ARAP2: variants seen among roughly 807,000 people sequenced by gnomAD.
The protein encoded by ARAP2 is ArfGAP with RhoGAP domain, ankyrin repeat and PH domain 2, also known as arf-GAP with Rho-GAP domain, ANK repeat and PH domain-containing protein 2.
A neutral mutation model predicts 194.5 loss-of-function variants in ARAP2; 148 were observed. That is an observed-to-expected ratio of 0.76 (90% CI 0.67 to 0.87). The LOEUF (loss-of-function observed/expected upper bound fraction) is 0.87, where lower values mean the gene tolerates loss of function less well. ARAP2 is among the 40% of genes least tolerant of loss of function. The pLI is 0.00. For missense variants in ARAP2, 2,128 were observed against 1,989.7 expected (o/e 1.07, Z -1.32); for synonymous variants, 695 against 683.5 (o/e 1.02, Z -0.26).
Position 36,107,546 on chromosome 4 carries a change from G to A in ARAP2, c.4285+19C>T, listed in dbSNP as rs1718731624. ...TTGAATTTTCAATCATAGCTGCAAT[G>A]TGAAGTAATGACACCTACCACTGCA... On this transcript the variant is annotated intron_variant, in intron 27 of 32. Transcript: ENST00000303965. 1.9e-6 allele frequency: 3 copies of A among 1,592,344 alleles called. No individual in the cohort carries two copies. The Admixed American group carries it at 5.4e-5, about 28-fold the overall frequency.
At chr4:36,134,735 TAC>T (rs71199697) in intron 19 of ARAP2, among the ~76,000 whole-genome samples, 147 of 148,016 alleles carry the variant, frequency 9.9e-4, no homozygotes, top group Middle Eastern at 3.4e-3. Context: ...CACACACAAA[TAC>T]ACACACACAC....
intron 32 of ARAP2, among the ~76,000 whole-genome samples, chr4:36,069,613 T>C (rs1726328021): frequency 1.3e-5 from 2 of 152,226 alleles, no homozygotes; most frequent in South Asian, 2.1e-4. Context: ...AGAGGTTTTA[T>C]ATATCAGAGT....
intron 13 of ARAP2, chr4:36,159,794 T>G (rs1295009576): frequency 4.7e-6 from 1 of 212,134 alleles, no homozygotes; most frequent in African/African-American, 2.3e-5. Flanking sequence ...TTTTTATGCT[T>G]ACATACTATG....
At chr4:36,173,375 C>T (rs1013574303) in intron 9 of ARAP2, among the ~76,000 whole-genome samples, 2 of 152,180 alleles carry the variant, frequency 1.3e-5, no homozygotes, top group Admixed American at 6.5e-5. Context: ...TTCTGACTTA[C>T]ACACTATACA....
chr4:36,129,040 T>C (rs534681898), intron 20 of ARAP2, among the ~76,000 whole-genome samples: 16 of 152,092 alleles, frequency 1.1e-4, no homozygotes, highest in African/African-American at 3.9e-4. Flanking sequence ...AAGTGCCCTA[T>C]CTTCACTTAG....
chr4:36,128,937 G>C (rs978790820), intron 20 of ARAP2, among the ~76,000 whole-genome samples, 192 bp from the exon 21 acceptor site: 3 of 151,860 alleles, frequency 2.0e-5, no homozygotes, highest in Non-Finnish European at 2.9e-5. Flanking sequence ...TAAACCTAAT[G>C]AGCAAATCAT....
chr4:36,093,655 G>A (rs1714369085), intron 27 of ARAP2, among the ~76,000 whole-genome samples: 1 of 152,042 alleles, frequency 6.6e-6, no homozygotes, highest in Admixed American at 6.6e-5. Context: ...GGATTCAGGG[G>A]TACATGTGCA....
chr4:36,068,151 C>A lies in ARAP2; in HGVS notation c.4871G>T (p.Arg1624Leu), dbSNP rs1249697981. 1.2e-6 allele frequency: 2 copies of A among 1,613,736 alleles called. No homozygotes were observed. The highest frequency in any genetic ancestry group is 1.7e-6 in the Non-Finnish European group (2 of 1,179,788). ...HCLEHKDDKLRNRPRKHRSFN... is the reference protein window; with the variant it reads ...HCLEHKDDKLLNRPRKHRSFN... ...ACTCCGATGTTTTCGGGGTCGATTT[C>A]GAAGTTTATCGTCCTTGTGCTCCAG... The change falls in exon 33 of 33, where the codon CGA (arginine) becomes CTA (leucine). Residue 1624 changes from arginine to leucine, a missense_variant. Arg to Leu is a moderately radical substitution (Grantham distance 102, BLOSUM62 -2). Transcript: ENST00000303965.
intron 19 of ARAP2, among the ~76,000 whole-genome samples, chr4:36,136,829 G>A (rs1014614596): frequency 1.3e-5 from 2 of 148,576 alleles, no homozygotes; most frequent in East Asian, 2.0e-4. Flanking sequence ...GCGTGTCTGT[G>A]TATCTCAGTC....
At chr4:36,060,151 T>C (rs1024283767) in intron 1 of ARAP2, among the ~76,000 whole-genome samples, 1 of 152,076 alleles carries the variant, frequency 6.6e-6, no homozygotes, top group African/African-American at 2.4e-5. Context: ...TTGAAGTGAG[T>C]TTGTGTGTCT....
chr4:36,099,177 G>GT (rs1430294828), intron 27 of ARAP2, among the ~76,000 whole-genome samples: 1 of 151,938 alleles, frequency 6.6e-6, no homozygotes, highest in African/African-American at 2.4e-5. Context: ...TCCCGTGTTA[G>GT]TTTGCCGAGG....
At chr4:36,097,169 T>C (rs576587544) in intron 27 of ARAP2, among the ~76,000 whole-genome samples, 1 of 152,114 alleles carries the variant, frequency 6.6e-6, no homozygotes, top group African/African-American at 2.4e-5. Context: ...TAGTAACATT[T>C]ACTTTAACAA....
chr4:36,187,149 C>T (rs111506503), intron 8 of ARAP2, among the ~76,000 whole-genome samples: 39 of 152,306 alleles, frequency 2.6e-4, no homozygotes, highest in African/African-American at 9.1e-4. Flanking sequence ...AACAACATCT[C>T]AAAGGTTAGC....
intron 1 of ARAP2, among the ~76,000 whole-genome samples, chr4:36,232,832 T>A (rs1252222567): frequency 1.3e-5 from 2 of 152,222 alleles, no homozygotes; most frequent in Admixed American, 1.3e-4. Context: ...GAGAGGCTGA[T>A]AAAAATGGCA....
intron 27 of ARAP2, among the ~76,000 whole-genome samples, chr4:36,095,704 ATT>A (rs1212879832): frequency 6.7e-6 from 1 of 149,386 alleles, no homozygotes; most frequent in East Asian, 1.9e-4. Context: ...TCAAATTTGT[ATT>A]TGTTTTTTAT....
At chr4:36,101,796 C>G (rs1014446296) in intron 27 of ARAP2, among the ~76,000 whole-genome samples, 1 of 151,960 alleles carries the variant, frequency 6.6e-6, no homozygotes, top group Non-Finnish European at 1.5e-5. Flanking sequence ...CTCTTAATAT[C>G]TAACATGAAA....
intron 6 of ARAP2, among the ~76,000 whole-genome samples, chr4:36,017,563 G>GGAAAAAAAAAAA (rs1560270898): frequency 3.1e-4 from 2 of 6,528 alleles, no homozygotes; most frequent in Admixed American, 3.1e-3. Flanking sequence ...TAAGAAAGTG[G>GGAAAAAAAAAAA]TAAAAAAAAA....
At chr4:36,215,403 T>C (rs1235619368) in intron 2 of ARAP2, among the ~76,000 whole-genome samples, 2 of 152,222 alleles carry the variant, frequency 1.3e-5, no homozygotes, top group Non-Finnish European at 2.9e-5. Flanking sequence ...AAGAAATGAA[T>C]GTCAACTTTT....
At chr4:36,239,264 C>CA (rs1356876344) in intron 1 of ARAP2, among the ~76,000 whole-genome samples, 1,456 of 136,850 alleles carry the variant, frequency 0.011, 26 homozygotes, top group African/African-American at 0.034. Flanking sequence ...GATGCTGTCT[C>CA]AAAAAAAAAA....
Sources: gnomAD v4.1 joint callset for allele counts (sites outside exome capture counted in the v4.1 genomes callset) on GRCh38, gnomAD v4.1.1 for gene constraint, MANE v1.5 for transcripts, NCBI Gene and HGNC (gene_info 2026-07-23, HGNC 2026-07-21) for gene names.